MRPL42: variants seen among roughly 807,000 people sequenced by gnomAD.
MRPL42 encodes mitochondrial ribosomal protein L42, also known as large ribosomal subunit protein mL42.
In MRPL42, 17 loss-of-function variants were observed where a neutral mutation model predicts 17.9. The observed-to-expected ratio is 0.95, with a 90% CI of 0.65 to 1.42. The LOEUF (loss-of-function observed/expected upper bound fraction) is 1.42, where lower values mean the gene tolerates loss of function less well. Ranked by LOEUF, MRPL42 falls within the 40% of genes most tolerant of loss-of-function variation. The pLI is 0.00. For synonymous variants in MRPL42, 59 were observed against 54.4 expected, an observed-to-expected ratio of 1.08 and a Z score of -0.37; for missense variants, 177 against 175.2, an observed-to-expected ratio of 1.01 and a Z score of -0.06.
intron 2 of MRPL42, among the ~76,000 whole-genome samples, chr12:93,473,507 C>T (rs922508276): frequency 6.6e-6 from 1 of 152,206 alleles, no homozygotes; most frequent in African/African-American, 2.4e-5. Flanking sequence ...TCTTGGCCCA[C>T]TGCAACCTCC....
rs1373317516 is a variant in MRPL42 at position 93,501,577 on chromosome 12, C to G, written c.*356C>G. The G allele has an allele frequency of 6.2e-6, 1 of 161,784 alleles. No individual in the cohort carries two copies. The highest frequency in any genetic ancestry group is 1.3e-5 in the Non-Finnish European group (1 of 74,906). 10.0% of individuals were successfully genotyped at this position (161,784 alleles called of 1,614,324 possible). On this transcript the variant is annotated 3_prime_UTR_variant, in exon 6 of 6. Transcript: ENST00000549982. The stretch of plus-strand genomic sequence containing the variant: ...TTAGATAATTTTGCTAAACAGTAGG[C>G]TACTGTAAGTGTTCTGAGCATATTT...
rs113501124 is a variant in MRPL42 at position 93,491,853 on chromosome 12, G to C, written c.383+4193G>C. Reference sequence around the variant, plus strand: ...CCCAGTGTTTGGCTCCCACTTACACGTGAGAACGTGTGGTATTTGGTTTTC... The same window carrying C: ...CCCAGTGTTTGGCTCCCACTTACACCTGAGAACGTGTGGTATTTGGTTTTC... On this transcript the variant is annotated intron_variant, in intron 5 of 5. Transcript: ENST00000549982. 2.0e-3 allele frequency among the ~76,000 whole-genome samples: 312 copies of C among 152,302 alleles called. 2 individuals carry two copies. The highest frequency in any genetic ancestry group is 7.2e-3 in the African/African-American group (301 of 41,582).
chr12:93,501,234 T>C lies in MRPL42; in HGVS notation c.*13T>C. On this transcript the variant is annotated 3_prime_UTR_variant, in exon 6 of 6. Transcript: ENST00000549982. ...AAAAGACAGATGATGCGGAGGTTCC[T>C]GGGGGAATCAAAGAGAAATGTGCCT... is the stretch of plus-strand genomic sequence containing the variant. The C allele has an allele frequency of 6.3e-7, 1 of 1,594,772 alleles. No individual in the cohort carries two copies. The highest frequency in any genetic ancestry group is 8.5e-7 in the Non-Finnish European group (1 of 1,173,064).
intron 2 of MRPL42, among the ~76,000 whole-genome samples, chr12:93,469,910 G>A (rs1340877420): frequency 1.3e-5 from 2 of 152,112 alleles, no homozygotes; most frequent in African/African-American, 4.8e-5. Context: ...CTGAGGGCAG[G>A]AGTAAGGGAC....
chr12:93,485,614 AATAC>A (rs1451855606), intron 4 of MRPL42, among the ~76,000 whole-genome samples: 4 of 152,210 alleles, frequency 2.6e-5, no homozygotes, highest in Non-Finnish European at 5.9e-5. Flanking sequence ...ATTGTATTAT[AATAC>A]ATACATATTG....
chr12:93,474,233 A>G lies in MRPL42; in HGVS notation c.71-2721A>G, dbSNP rs193058481. On this transcript the variant is annotated intron_variant, in intron 2 of 5. Coordinates refer to ENST00000549982, the MANE Select transcript of MRPL42 (RefSeq NM_014050.4). ...GTTTCTTTCAGTGAAAATGTATATC[A>G]TCTAGTTGGTTTATATTCAGAGATA... is the stretch of plus-strand genomic sequence containing the variant. 3.2e-4 allele frequency among the ~76,000 whole-genome samples: 48 copies of G among 151,486 alleles called. No individual in the cohort carries two copies. The East Asian group carries it at 8.1e-3, about 26-fold the overall frequency.
chr12:93,496,548 TAGC>T (rs1049451427), intron 5 of MRPL42, among the ~76,000 whole-genome samples: 2 of 142,562 alleles, frequency 1.4e-5, no homozygotes, highest in African/African-American at 5.3e-5. Context: ...TAAGAGCAAA[TAGC>T]AGAGGAAGAG....
At chr12:93,479,856 T>C (rs1270326352) in intron 4 of MRPL42, among the ~76,000 whole-genome samples, 1 of 148,088 alleles carries the variant, frequency 6.8e-6, no homozygotes, top group Non-Finnish European at 1.5e-5. Context: ...GCTACTTTTT[T>C]ACTATTGGTT....
intron 2 of MRPL42, among the ~76,000 whole-genome samples, chr12:93,471,176 A>G (rs1294179972): frequency 1.3e-5 from 2 of 151,984 alleles, no homozygotes; most frequent in Non-Finnish European, 2.9e-5. Flanking sequence ...ATTTTATTTT[A>G]TTTTATTTTT....
At chr12:93,480,282 G>T (rs916535077) in intron 4 of MRPL42, among the ~76,000 whole-genome samples, 2 of 151,668 alleles carry the variant, frequency 1.3e-5, no homozygotes, top group East Asian at 1.9e-4. Context: ...CACCACGCCC[G>T]GCTAATTTTT....
intron 4 of MRPL42, among the ~76,000 whole-genome samples, chr12:93,485,194 T>A (rs1462569850): frequency 7.0e-6 from 1 of 142,638 alleles, no homozygotes; most frequent in Non-Finnish European, 1.5e-5. Flanking sequence ...ACAGGGTCTG[T>A]CTGTGTCACC....
rs1338417310 is a variant in MRPL42, at chr12:93,504,409, G to C, written c.*3188G>C. 1.3e-5 allele frequency: 2 copies of C among 152,706 alleles called. No individual in the cohort carries two copies. 9.5% of individuals were successfully genotyped at this position (152,706 alleles called of 1,614,324 possible). On this transcript the variant is annotated 3_prime_UTR_variant, in exon 6 of 6. Transcript: ENST00000549982. ...CACACCTTGGCCTCCCAAAGTGCTGGGTGGGATTATAGGTGTGAGCCTCCA... is the reference window on the plus strand; with the variant it reads ...CACACCTTGGCCTCCCAAAGTGCTGCGTGGGATTATAGGTGTGAGCCTCCA...
intron 2 of MRPL42, among the ~76,000 whole-genome samples, chr12:93,473,593 G>T (rs1025011851): frequency 6.6e-6 from 1 of 151,460 alleles, no homozygotes; most frequent in Non-Finnish European, 1.5e-5. Context: ...CACCATGCCC[G>T]GCTAATTTTG....
At chr12:93,486,494 G>C (rs369789518) in intron 4 of MRPL42, among the ~76,000 whole-genome samples, 43 of 152,218 alleles carry the variant, frequency 2.8e-4, no homozygotes, top group Non-Finnish European at 4.7e-4. Context: ...ACAGGTGTGC[G>C]CTACCGCACC....
chr12:93,475,375 C>T (rs1446116953), intron 2 of MRPL42, among the ~76,000 whole-genome samples: 4 of 151,964 alleles, frequency 2.6e-5, no homozygotes. Flanking sequence ...CCTGGCCTCC[C>T]AAAGTGCTGG....
chr12:93,501,047 G>A (rs6538425), intron 5 of MRPL42, 129 bp from the exon 6 acceptor site: 2 of 664,332 alleles, frequency 3.0e-6, no homozygotes, highest in African/African-American at 1.9e-5. Context: ...CTAAGAAATG[G>A]CTGATACGTA....
intron 5 of MRPL42, among the ~76,000 whole-genome samples, chr12:93,490,868 A>G (rs1288436747): frequency 2.0e-5 from 3 of 152,192 alleles, no homozygotes; most frequent in Non-Finnish European, 4.4e-5. Context: ...ATTAAAAGGT[A>G]TAAAACACAT....
At chr12:93,482,249 C>G (rs1880500516) in intron 4 of MRPL42, among the ~76,000 whole-genome samples, 1 of 152,178 alleles carries the variant, frequency 6.6e-6, no homozygotes, top group Admixed American at 6.6e-5. Flanking sequence ...TATTTGTTAT[C>G]TTGTGTGGCC....
chr12:93,482,053 T>G (rs951258002), intron 4 of MRPL42, among the ~76,000 whole-genome samples: 1 of 152,190 alleles, frequency 6.6e-6, no homozygotes, highest in African/African-American at 2.4e-5. Context: ...CTCTCTAGTT[T>G]AGGTAAGTAA....
Sources: allele counts gnomAD v4.1 joint callset (sites outside exome capture counted in the v4.1 genomes callset), GRCh38; gene constraint gnomAD v4.1.1; transcripts MANE v1.5; gene names NCBI Gene and HGNC (gene_info 2026-07-23, HGNC 2026-07-21).